The following C4orf51 variants were observed in gnomAD, a reference collection of about 807,000 sequenced individuals.
The protein encoded by C4orf51 is chromosome 4 open reading frame 51.
Under a neutral mutation model 25.2 loss-of-function variants are expected in C4orf51, and 25 were observed. The ratio of observed to expected loss-of-function variants is 0.99; its 90% CI spans 0.72 to 1.39. C4orf51 has a LOEUF of 1.39. C4orf51 is among the 40% of genes most tolerant of loss of function. The probability of loss-of-function intolerance (pLI) is 0.00; values close to 1 mark genes in which losing one functional copy is unlikely to be tolerated. For synonymous variants in C4orf51, 100 were observed against 84.5 expected (o/e 1.18, Z -1.01); for missense variants, 252 against 239.6 (o/e 1.05, Z -0.34).
chr4:145,758,702 C>T (rs756997692), downstream of C4orf51: 8 of 152,352 alleles, frequency 5.3e-5, no homozygotes, highest in South Asian at 2.1e-4. Flanking sequence ...GGTTGAACAT[C>T]GTTTCAAACC....
chr4:145,719,174 A>G (rs1399015079), intron 2 of C4orf51, among the ~76,000 whole-genome samples: 3 of 152,170 alleles, frequency 2.0e-5, no homozygotes, highest in Admixed American at 1.3e-4. Context: ...TTTGTTGAAC[A>G]ATGGTTTTTA....
In C4orf51 at chr4:145,767,329, T is replaced by C. The variant is rs537820611; in HGVS notation, n.167-3659T>C. Among the ~76,000 whole-genome samples the C allele has an allele frequency of 2.0e-5, 3 of 152,250 alleles. No homozygotes were observed. The South Asian group carries it at 6.2e-4, about 32-fold the overall frequency. On this transcript the variant is annotated intron_variant and non_coding_transcript_variant, in intron 1 of 1. Coordinates refer to the C4orf51 transcript ENST00000510096. ...ACCTGAAGATAATAGCTATAGAAAC[T>C]ATCTGAAATGAAACAGAAAGGAATC...
downstream of C4orf51, among the ~76,000 whole-genome samples, chr4:145,773,393 G>A (rs930812524): frequency 5.9e-5 from 9 of 152,194 alleles, no homozygotes; most frequent in African/African-American, 1.9e-4. Context: ...AAAGTGGCCA[G>A]AGAAACACAG....
At chr4:145,774,728 A>C, downstream of C4orf51, 2 of 1,565,408 alleles carry the variant, frequency 1.3e-6, no homozygotes, top group Non-Finnish European at 1.7e-6. Flanking sequence ...ACATACTTCT[A>C]AATGTAGGCT....
downstream of C4orf51, among the ~76,000 whole-genome samples, chr4:145,757,127 T>C (rs1253530302): frequency 6.6e-6 from 1 of 152,242 alleles, no homozygotes; most frequent in Non-Finnish European, 1.5e-5. Flanking sequence ...CTCAGTTTCT[T>C]TCTCTGGTAC....
chr4:145,726,343 T>C (rs1732053618), intron 2 of C4orf51, among the ~76,000 whole-genome samples: 2 of 152,206 alleles, frequency 1.3e-5, no homozygotes. Context: ...TTCTTGTAGC[T>C]ATTCGAAAAT....
chr4:145,781,228 G>GAAAAA, the C4orf51 span, among the ~76,000 whole-genome samples: 4 of 99,660 alleles, frequency 4.0e-5, no homozygotes, highest in Non-Finnish European at 8.0e-5. Context: ...GAAAAAAAAA[G>GAAAAA]AAAAAAAAAA....
intron 1 of C4orf51, among the ~76,000 whole-genome samples, chr4:145,744,297 A>T (rs1200488863): frequency 2.0e-5 from 3 of 152,150 alleles, no homozygotes; most frequent in Non-Finnish European, 4.4e-5. Flanking sequence ...GATAGGGAAT[A>T]ATGATGAGGG....
downstream of C4orf51, chr4:145,774,785 A>T (rs1362945564): frequency 7.2e-5 from 87 of 1,204,116 alleles, no homozygotes; most frequent in Non-Finnish European, 9.7e-5. Context: ...TTTGAAACAC[A>T]TTTGTCTCTC....
intron 1 of C4orf51, among the ~76,000 whole-genome samples, chr4:145,741,539 T>C (rs1472473961): frequency 3.3e-5 from 5 of 152,116 alleles, no homozygotes. Flanking sequence ...AAAATTAGTT[T>C]GGAGTGTGGC....
chr4:145,753,413 G>GCCATCCTATCCATCAGT (rs1384168008), intron 1 of C4orf51, among the ~76,000 whole-genome samples: 5 of 151,572 alleles, frequency 3.3e-5, no homozygotes, highest in African/African-American at 1.2e-4. Context: ...TATCCATGTG[G>GCCATCCTATCCATCAGT]CCATCCTATC....
chr4:145,788,804 T>A, the C4orf51 span, among the ~76,000 whole-genome samples: 5 of 152,224 alleles, frequency 3.3e-5, no homozygotes, highest in African/African-American at 1.2e-4. Context: ...TGTCCCAATG[T>A]TGAGGCCATT....
At chr4:145,742,938 T>A (rs935449169) in intron 1 of C4orf51, among the ~76,000 whole-genome samples, 1 of 151,826 alleles carries the variant, frequency 6.6e-6, no homozygotes, top group Non-Finnish European at 1.5e-5. Flanking sequence ...CAGGAGAGAG[T>A]CATAAAAATA....
Position 145,680,416 on chromosome 4 carries a change from G to A in C4orf51, c.213G>A (p.Gln71=). The A allele has an allele frequency of 1.2e-6, 2 of 1,613,704 alleles. No homozygotes were observed. The highest frequency in any genetic ancestry group is 2.2e-5 in the East Asian group (1 of 44,884). The change falls in exon 1 of 6, where the codon CAG becomes CAA. Residue 71 remains glutamine (Q), a synonymous_variant. Transcript: ENST00000438731. ...MCSQFSFRAG[Q]HEPECKQMSL... ...GCCAATTTTCTTTTAGAGCAGGACAGCATGAGCCTGAGTGTAAACAGTAAG... is the reference window on the plus strand; with the variant it reads ...GCCAATTTTCTTTTAGAGCAGGACAACATGAGCCTGAGTGTAAACAGTAAG...
chr4:145,786,756 A>T, the C4orf51 span, among the ~76,000 whole-genome samples: 50 of 152,294 alleles, frequency 3.3e-4, 1 homozygote, highest in Non-Finnish European at 1.0e-4. Context: ...AGCTGTGGTT[A>T]TGACTCTTTG....
chr4:145,765,468 C>T lies in C4orf51; in HGVS notation n.167-5520C>T, dbSNP rs1390573091. ...CCTATTATCAGTTTTTGACATCGCT[C>T]CTGTGCAGGGCTTATTCTCAAGAAT... is the stretch of plus-strand genomic sequence containing the variant. On this transcript the variant is annotated intron_variant and non_coding_transcript_variant, in intron 1 of 1. Transcript: ENST00000510096. The surrounding 1 kb of genome is among the most constrained non-coding windows in gnomAD (Gnocchi z 4.7). 6 of 1,494,154 alleles carry T rather than the reference C, an allele frequency of 4.0e-6. No homozygotes were observed. The African/African-American group carries it at 5.6e-5, about 14-fold the overall frequency. The allele number at this position is 1,494,154 out of a possible 1,614,324, so 92.6% of individuals were successfully genotyped here.
chr4:145,770,945 GCAA>G (rs948159650), intron 1 of C4orf51: 2 of 152,322 alleles, frequency 1.3e-5, no homozygotes, highest in African/African-American at 4.8e-5. Context: ...CATCATCCCA[GCAA>G]CAGTGAGTAT....
In C4orf51 at chr4:145,765,337, A is replaced by G. The variant is rs773505637; in HGVS notation, n.167-5651A>G. On this transcript the variant is annotated intron_variant and non_coding_transcript_variant, in intron 1 of 1. Coordinates refer to the C4orf51 transcript ENST00000510096. This position sits in a 1 kb window ranked among gnomAD's most constrained non-coding sequence, Gnocchi z 4.7. The stretch of plus-strand genomic sequence containing the variant: ...GCTAAAAGGAGTTAAATGTACAAAC[A>G]TCGGAATCAATGTCACCCTCCCCAT... Among the ~76,000 whole-genome samples the G allele has an allele frequency of 6.6e-6, 1 of 152,170 alleles. No individual in the cohort carries two copies. Among genetic ancestry groups the G allele is most frequent in the Non-Finnish European group, 1.5e-5 (1 of 68,022 alleles).
intron 1 of C4orf51, among the ~76,000 whole-genome samples, chr4:145,750,788 G>T (rs1733629818): frequency 6.6e-6 from 1 of 152,010 alleles, no homozygotes; most frequent in African/African-American, 2.4e-5. Flanking sequence ...ATTTGCCCTT[G>T]TGAGGCTTTT....
Sources: allele counts gnomAD v4.1 joint callset (sites outside exome capture counted in the v4.1 genomes callset), GRCh38; gene constraint gnomAD v4.1.1; non-coding constraint Gnocchi (gnomAD v3.1); transcripts MANE v1.5; gene names NCBI Gene and HGNC (gene_info 2026-07-23, HGNC 2026-07-21).